The following YLPM1 variants were observed in gnomAD, a reference collection of about 807,000 sequenced individuals.
YLPM1 encodes the protein YLP motif containing 1, also known as YLP motif-containing protein 1.
YLPM1 carries 99 observed loss-of-function variants against 230.0 expected under a neutral mutation model. The observed-to-expected ratio is 0.43, with a 90% CI of 0.37 to 0.51. YLPM1 has a LOEUF of 0.51. Among genes scored for constraint, YLPM1 ranks in the 20% least tolerant of loss-of-function variants. YLPM1 has a pLI of 0.00. For synonymous variants in YLPM1, 984 were observed against 942.5 expected (o/e 1.04, Z -0.81); for missense variants, 2,592 against 2,707.7 (o/e 0.96, Z 0.95).
intron 4 of YLPM1, among the ~76,000 whole-genome samples, chr14:74,788,342 G>A (rs973528194): frequency 6.6e-5 from 10 of 152,140 alleles, no homozygotes; most frequent in South Asian, 2.1e-4. Flanking sequence ...GGATGGTCTC[G>A]ATCTCCTGGC....
intron 18 of YLPM1, chr14:74,827,699 A>G (rs1011639075): frequency 9.1e-6 from 9 of 985,290 alleles, no homozygotes; most frequent in Non-Finnish European, 1.1e-5. Context: ...GGTTTATCTA[A>G]TAAGTGTGTT....
In YLPM1 at chr14:74,830,170, A is replaced by G. The variant is rs751339601; in HGVS notation, c.6294+827A>G. 1.4e-4 allele frequency among the ~76,000 whole-genome samples: 21 copies of G among 152,192 alleles called. No homozygotes were observed. In the South Asian group the frequency reaches 1.4e-3, roughly 10 times the overall value. On this transcript the variant is annotated intron_variant, in intron 19 of 20. Transcript: ENST00000325680. ...GTTGGCAACATGGAGGTCACTGATG[A>G]TTGTAGTTTGTCATCAGTCTACAGT... is the stretch of plus-strand genomic sequence containing the variant.
intron 4 of YLPM1, among the ~76,000 whole-genome samples, chr14:74,787,193 A>G (rs955082228): frequency 6.6e-6 from 1 of 152,194 alleles, no homozygotes; most frequent in African/African-American, 2.4e-5. Flanking sequence ...AATTCTACAC[A>G]TCAGTTTTTT....
At chr14:74,821,829 AT>A (rs1310520546) in intron 17 of YLPM1, 3 of 152,220 alleles carry the variant, frequency 2.0e-5, no homozygotes, top group African/African-American at 7.2e-5. Context: ...AAGTACAGAG[AT>A]TAGCAATGCC....
intron 18 of YLPM1, chr14:74,827,871 T>C: frequency 3.0e-6 from 3 of 985,320 alleles, no homozygotes; most frequent in Non-Finnish European, 3.6e-6. Flanking sequence ...CATATACACG[T>C]AGATAGAGCC....
chr14:74,820,099 A>C (rs571465211), intron 16 of YLPM1, among the ~76,000 whole-genome samples: 1 of 152,348 alleles, frequency 6.6e-6, no homozygotes, highest in Non-Finnish European at 1.5e-5. Context: ...CAAATTCTCT[A>C]CAAAAAATAT....
At chr14:74,820,465 C>G (rs1430259962) in intron 16 of YLPM1, among the ~76,000 whole-genome samples, 1 of 152,070 alleles carries the variant, frequency 6.6e-6, no homozygotes, top group South Asian at 2.1e-4. Flanking sequence ...CCAGGCTGGT[C>G]TTGAACTCCT....
At chr14:74,802,062 C>T (rs1163033661) in intron 5 of YLPM1, among the ~76,000 whole-genome samples, 2 of 151,468 alleles carry the variant, frequency 1.3e-5, no homozygotes, top group Admixed American at 6.6e-5. Flanking sequence ...TAAAAAAATA[C>T]AAATAATTAG....
chr14:74,826,789 G>A (rs2091566395), intron 18 of YLPM1, among the ~76,000 whole-genome samples: 1 of 152,204 alleles, frequency 6.6e-6, no homozygotes, highest in African/African-American at 2.4e-5. Context: ...TGGGACACAG[G>A]CATCATAATG....
intron 3 of YLPM1, 150 bp downstream of exon 3, chr14:74,780,734 A>T: frequency 7.2e-7 from 1 of 1,392,246 alleles, no homozygotes; most frequent in Non-Finnish European, 9.4e-7. Flanking sequence ...TATCTGCCAC[A>T]TTACCTGGGG....
At chr14:74,801,554 A>G (rs1034549714) in intron 5 of YLPM1, among the ~76,000 whole-genome samples, 2 of 152,248 alleles carry the variant, frequency 1.3e-5, no homozygotes, top group African/African-American at 4.8e-5. Context: ...TTTTAAAGGT[A>G]TAGACTGACA....
chr14:74,824,750 T>A (rs946839772), intron 18 of YLPM1, among the ~76,000 whole-genome samples: 2 of 151,902 alleles, frequency 1.3e-5, no homozygotes, highest in Admixed American at 6.6e-5. Context: ...TAAATGAGAG[T>A]TTCTGAGTAG....
Position 74,802,572 on chromosome 14 carries a change from C to T in YLPM1, c.4417C>T (p.Leu1473Phe), listed in dbSNP as rs1481800549. The part of the protein sequence containing the change: ...LKMLREQKEQ[L>F]QKMKDFGSEP... ...TGTTTGCAGGGAACAGAAAGAACAGCTTCAAAAGATGAAAGACTTCGGGTC... is the reference window on the plus strand; with the variant it reads ...TGTTTGCAGGGAACAGAAAGAACAGTTTCAAAAGATGAAAGACTTCGGGTC... Residue 1473 changes from leucine (L) to phenylalanine (F), a missense_variant, in exon 6 of 21, where the codon CTT becomes TTT. Transcript: ENST00000325680. The T allele has an allele frequency of 3.1e-6, 5 of 1,612,380 alleles. No homozygotes were observed. Among genetic ancestry groups the T allele is most frequent in the Middle Eastern group, 1.7e-4 (1 of 6,052 alleles).
intron 19 of YLPM1, among the ~76,000 whole-genome samples, chr14:74,829,999 A>C (rs1348215514): frequency 6.6e-6 from 1 of 152,204 alleles, no homozygotes; most frequent in Non-Finnish European, 1.5e-5. Context: ...TGCCCAAGGA[A>C]AAAGTATAAA....
rs2090876840 is a variant in YLPM1, at chr14:74,763,818, C to T, written c.329C>T (p.Pro110Leu). 6.6e-7 allele frequency: 1 copy of T among 1,512,544 alleles called. No homozygotes were observed. The highest frequency in any genetic ancestry group is 8.8e-7 in the Non-Finnish European group (1 of 1,130,054). The allele number at this position is 1,512,544 out of a possible 1,614,324, so 93.7% of individuals were successfully genotyped here. A position where few individuals can be genotyped will look rare whatever the true frequency, so the allele number is the denominator to read the frequency against. Residue 110 changes from proline to leucine, a missense_variant, in exon 1 of 21, where the codon CCA becomes CTA. Around this residue, in one of 4 missense-constraint regions of YLPM1, gnomAD observed 1,862 missense variants for 1,819.8 expected, o/e 1.02. Transcript: ENST00000325680. ...WQPPPPPMPP[P>L]PGPALSYQKQ... Reference sequence around the variant, plus strand: ...CCGCCACCGCCACCGATGCCCCCGCCACCCGGGCCGGCCCTCAGCTATCAG... The same window carrying T: ...CCGCCACCGCCACCGATGCCCCCGCTACCCGGGCCGGCCCTCAGCTATCAG...
In YLPM1 at chr14:74,763,974, A is replaced by G; in HGVS notation, c.485A>G (p.Gln162Arg). The G allele has an allele frequency of 8.7e-6, 12 of 1,385,816 alleles. No homozygotes were observed. The highest frequency in any genetic ancestry group is 1.1e-5 in the Non-Finnish European group (12 of 1,052,938). The allele number at this position is 1,385,816 out of a possible 1,614,324, so 85.8% of individuals were successfully genotyped here. Residue 162 changes from glutamine (Q) to arginine (R), a missense_variant, in exon 1 of 21, where the codon CAG becomes CGG. Gln to Arg is a conservative substitution (Grantham distance 43, BLOSUM62 1). Coordinates refer to ENST00000325680, the MANE Select transcript of YLPM1 (RefSeq NM_019589.3). Reference protein sequence around the residue: ...VPPGSYMPPSQSYMPPPQPPP... With the variant: ...VPPGSYMPPSRSYMPPPQPPP... ...CCTGGGTCCTATATGCCCCCATCTCAGTCTTACATGCCCCCACCTCAGCCG... is the reference window on the plus strand; with the variant it reads ...CCTGGGTCCTATATGCCCCCATCTCGGTCTTACATGCCCCCACCTCAGCCG...
At chr14:74,779,585 G>A (rs913506508) in intron 2 of YLPM1, among the ~76,000 whole-genome samples, 2 of 150,086 alleles carry the variant, frequency 1.3e-5, no homozygotes, top group African/African-American at 4.9e-5. Flanking sequence ...GGTGAAAAGT[G>A]ACAAAAAAAG....
chr14:74,800,210 C>T (rs2091311744), intron 5 of YLPM1, among the ~76,000 whole-genome samples: 1 of 152,146 alleles, frequency 6.6e-6, no homozygotes, highest in Non-Finnish European at 1.5e-5. Flanking sequence ...GATGTTTTAT[C>T]TTTCATTATA....
intron 1 of YLPM1, among the ~76,000 whole-genome samples, chr14:74,768,624 A>T (rs1421454016): frequency 6.6e-6 from 1 of 152,206 alleles, no homozygotes; most frequent in Non-Finnish European, 1.5e-5. Flanking sequence ...GTTGGCTTTG[A>T]TTAGTTTTTA....
Sources: allele counts gnomAD v4.1 joint callset (sites outside exome capture counted in the v4.1 genomes callset), GRCh38; gene constraint gnomAD v4.1.1; regional missense constraint gnomAD v4.1.1; transcripts MANE v1.5; gene names NCBI Gene and HGNC (gene_info 2026-07-23, HGNC 2026-07-21).